MTMR12: variants seen among roughly 807,000 people sequenced by gnomAD.
MTMR12 encodes myotubularin related protein 12, also known as myotubularin-related protein 12.
MTMR12 carries 33 observed loss-of-function variants against 96.7 expected under a neutral mutation model. The ratio of observed to expected loss-of-function variants is 0.34; its 90% CI spans 0.26 to 0.46. The LOEUF is 0.46. Ranked by LOEUF, MTMR12 falls within the 20% of genes least tolerant of loss-of-function variation. MTMR12 has a pLI of 1.00. For synonymous variants in MTMR12, 298 were observed against 327.2 expected (o/e 0.91, Z 0.96); for missense variants, 721 against 896.1 (o/e 0.80, Z 2.49).
At chr5:32,278,474 C>T (rs1750145583) in intron 1 of MTMR12, among the ~76,000 whole-genome samples, 1 of 152,056 alleles carries the variant, frequency 6.6e-6, no homozygotes, top group African/African-American at 2.4e-5. Context: ...AACTTGGGTA[C>T]AGCCTATCTT....
rs758920702 is a variant in MTMR12, at chr5:32,239,191, A to G, written c.1172-18T>C. The G allele has an allele frequency of 5.8e-6, 9 of 1,555,090 alleles. No homozygotes were observed. Among genetic ancestry groups the G allele is most frequent in the South Asian group, 1.2e-5 (1 of 80,988 alleles). ...ATTCTCCTCTAGGAGAGGCCCCAGC[A>G]GCAGTGCAAAGAGGAAGGAGGGCAT... On this transcript the variant is annotated intron_variant, in intron 12 of 15. Transcript: ENST00000382142.
chr5:32,301,078 A>T (rs1751124070), intron 1 of MTMR12, among the ~76,000 whole-genome samples: 2 of 152,188 alleles, frequency 1.3e-5, no homozygotes. Flanking sequence ...CATCTCAAAA[A>T]AAGAAAGAAA....
In MTMR12 at chr5:32,269,631, T is replaced by A. The variant is rs142985524; in HGVS notation, c.490-837A>T. On this transcript the variant is annotated intron_variant, in intron 5 of 15. Coordinates refer to ENST00000382142, the MANE Select transcript of MTMR12 (RefSeq NM_001040446.3). ...AGTGTGTCAGGTTTTCTAAGAACTCTGAATTTCTAGGGAAAATTTTAAAAC... is the reference window on the plus strand; with the variant it reads ...AGTGTGTCAGGTTTTCTAAGAACTCAGAATTTCTAGGGAAAATTTTAAAAC... Among the ~76,000 whole-genome samples the A allele has an allele frequency of 3.0e-3, 457 of 152,258 alleles. 1 individual carries two copies. Among genetic ancestry groups the A allele is most frequent in the African/African-American group, 0.01 (436 of 41,556 alleles).
chr5:32,246,169 A>AGTTTTTTTTGTTTT (rs1554056238), intron 10 of MTMR12, among the ~76,000 whole-genome samples: 2 of 130,828 alleles, frequency 1.5e-5, no homozygotes, highest in East Asian at 4.5e-4. Context: ...TTGAGTAGAC[A>AGTTTTTTTTGTTTT]GTTTTTTTTT....
At chr5:32,246,359 G>A (rs1047874364) in intron 10 of MTMR12, among the ~76,000 whole-genome samples, 2 of 151,932 alleles carry the variant, frequency 1.3e-5, no homozygotes, top group South Asian at 4.1e-4. Flanking sequence ...GATGGGTTTC[G>A]CCATGTTAGC....
Position 32,312,730 on chromosome 5 carries a change from A to ACGCCCCGCCTGCGCGG in MTMR12, c.81+12_81+27dup, listed in dbSNP as rs1159210762. Reference sequence around the variant, plus strand: ...CCCTCGCCCCGGCCGCCCCTGCCCGACGCCCCGCCTGCGCGGCGCCCCCTC... The same window carrying ACGCCCCGCCTGCGCGG: ...CCCTCGCCCCGGCCGCCCCTGCCCGACGCCCCGCCTGCGCGGCGCCCCGCCTGCGCGGCGCCCCCTC... On this transcript the variant is annotated intron_variant, in intron 1 of 15. Coordinates refer to ENST00000382142, the MANE Select transcript of MTMR12 (RefSeq NM_001040446.3). This position sits in a 1 kb window ranked among gnomAD's most constrained non-coding sequence, Gnocchi z 5.0. The ACGCCCCGCCTGCGCGG allele has an allele frequency of 6.7e-7, 1 of 1,485,032 alleles. No individual in the cohort carries two copies. The highest frequency in any genetic ancestry group is 2.2e-5 in the Admixed American group (1 of 45,008). The allele number at this position is 1,485,032 out of a possible 1,614,324, so 92.0% of individuals were successfully genotyped here.
rs1751646558 is a variant in MTMR12 at position 32,312,658 on chromosome 5, G to C, written c.81+100C>G. 8.8e-7 allele frequency: 1 copy of C among 1,137,868 alleles called. No individual in the cohort carries two copies. Among genetic ancestry groups the C allele is most frequent in the Middle Eastern group, 3.3e-4 (1 of 2,996 alleles). 70.5% of individuals were successfully genotyped at this position (1,137,868 alleles called of 1,614,324 possible). On this transcript the variant is annotated intron_variant, in intron 1 of 15. Transcript: ENST00000382142. This position sits in a 1 kb window ranked among gnomAD's most constrained non-coding sequence, Gnocchi z 5.0. ...GCCCCGTCGCCCGGCACAAGGGCAG[G>C]AAGCGCTCCGCGGCGCTCCCCGCTG...
intron 1 of MTMR12, among the ~76,000 whole-genome samples, chr5:32,307,066 G>A (rs1261614467): frequency 6.6e-6 from 1 of 152,024 alleles, no homozygotes; most frequent in African/African-American, 2.4e-5. Context: ...GAAAAAGGCA[G>A]ATTACAAAAT....
At chr5:32,254,483 C>T (rs1437621372) in intron 8 of MTMR12, among the ~76,000 whole-genome samples, 2 of 152,166 alleles carry the variant, frequency 1.3e-5, no homozygotes, top group South Asian at 2.1e-4. Flanking sequence ...TTCATTGTGA[C>T]CAACTCTGTC....
chr5:32,302,626 C>G (rs1412927357), intron 1 of MTMR12, among the ~76,000 whole-genome samples: 1 of 150,896 alleles, frequency 6.6e-6, no homozygotes, highest in Non-Finnish European at 1.5e-5. Context: ...CTGAGGCAGG[C>G]GAATCGCTTG....
In MTMR12 at chr5:32,263,140, ACACT is replaced by A; in HGVS notation, c.682_685del (p.Val229ThrfsTer47). 6.2e-7 allele frequency: 1 copy of A among 1,614,196 alleles called. No individual in the cohort carries two copies. The highest frequency in any genetic ancestry group is 8.5e-7 in the Non-Finnish European group (1 of 1,180,030). On this transcript the variant is annotated frameshift_variant, in exon 7 of 16. Transcript: ENST00000382142. LOFTEE classifies it high-confidence loss of function. Reference sequence around the variant, plus strand: ...CTCACAGACTTTATAGCCTTCGTTGACACTCACTGCTTTGTACTTCATGTTGCCT... The same window carrying A: ...CTCACAGACTTTATAGCCTTCGTTGACACTGCTTTGTACTTCATGTTGCCT...
In MTMR12 at chr5:32,274,175, T is replaced by C. The variant is rs555430554; in HGVS notation, c.143-53A>G. The C allele has an allele frequency of 1.7e-5, 27 of 1,587,508 alleles. No homozygotes were observed. The African/African-American group carries it at 2.4e-4, about 14-fold the overall frequency. On this transcript the variant is annotated intron_variant, in intron 2 of 15. Transcript: ENST00000382142. ...TAGAGTTCTCAGGGAACATACGATA[T>C]GCAAACACTAAAGGCTTTCCAGCCC...
intron 13 of MTMR12, among the ~76,000 whole-genome samples, chr5:32,237,655 C>T (rs1386411303): frequency 5.9e-5 from 9 of 152,006 alleles, no homozygotes; most frequent in African/African-American, 2.2e-4. Context: ...GGACTACAGG[C>T]ATGTGCCACC....
intron 7 of MTMR12, among the ~76,000 whole-genome samples, chr5:32,258,769 C>T (rs1231100258): frequency 6.6e-6 from 1 of 152,120 alleles, no homozygotes; most frequent in Admixed American, 6.5e-5. Context: ...GAGCTCCTTC[C>T]TCAGTGGCTC....
In MTMR12 at chr5:32,233,846, G is replaced by C. The variant is rs1277179185; in HGVS notation, c.1601C>G (p.Thr534Arg). Residue 534 changes from threonine (T) to arginine (R), a missense_variant, in exon 15 of 16, where the codon ACA becomes AGA. Coordinates refer to ENST00000382142, the MANE Select transcript of MTMR12 (RefSeq NM_001040446.3). This position sits in a 1 kb window ranked among gnomAD's most constrained non-coding sequence, Gnocchi z 5.0. ...WSVQFEPKAQTLLKNPLYVEK... is the reference protein window; with the variant it reads ...WSVQFEPKAQRLLKNPLYVEK... ...CACATAAAGAGGGTTTTTGAGCAATGTCTGGGCTTTGGGTTCAAACTGCAC... is the reference window on the plus strand; with the variant it reads ...CACATAAAGAGGGTTTTTGAGCAATCTCTGGGCTTTGGGTTCAAACTGCAC... 4 of 1,614,152 alleles carry C rather than the reference G, an allele frequency of 2.5e-6. No homozygotes were observed. The East Asian group carries it at 8.9e-5, about 36-fold the overall frequency.
chr5:32,299,030 G>A (rs1374080160), intron 1 of MTMR12, among the ~76,000 whole-genome samples: 1 of 151,470 alleles, frequency 6.6e-6, no homozygotes, highest in Non-Finnish European at 1.5e-5. Flanking sequence ...TGCACTGGTG[G>A]CCCAAAGAAC....
chr5:32,279,725 G>T lies in MTMR12; in HGVS notation c.82-2983C>A, dbSNP rs571504500. 4.1e-3 allele frequency among the ~76,000 whole-genome samples: 630 copies of T among 152,324 alleles called. 2 individuals are homozygous for T. Among genetic ancestry groups the T allele is most frequent in the Non-Finnish European group, 7.0e-3 (476 of 68,024 alleles). On this transcript the variant is annotated intron_variant, in intron 1 of 15. Transcript: ENST00000382142. ...ACAATTTTTCCACGGACCTGGCAGG[G>T]GGGCAGGGGATGATTTTGGGATGAA...
chr5:32,248,114 G>C lies in MTMR12; in HGVS notation c.909C>G (p.Thr303=), dbSNP rs1182465432. ...QKSFLDGIYK[T]IHRPPYEIVK... ...CAATTTCATAGGGTGGCCTGTGGATGGTCTTGTAAATTCTAGGTATCAAAA... is the reference window on the plus strand; with the variant it reads ...CAATTTCATAGGGTGGCCTGTGGATCGTCTTGTAAATTCTAGGTATCAAAA... Residue 303 remains threonine, a synonymous_variant, in exon 10 of 16, where the codon ACC becomes ACG. Coordinates refer to ENST00000382142, the MANE Select transcript of MTMR12 (RefSeq NM_001040446.3). 6.2e-7 allele frequency: 1 copy of C among 1,613,148 alleles called. No individual in the cohort carries two copies. The highest frequency in any genetic ancestry group is 1.3e-5 in the African/African-American group (1 of 74,866).
chr5:32,273,584 G>A (rs566251484), intron 3 of MTMR12, among the ~76,000 whole-genome samples: 1 of 152,284 alleles, frequency 6.6e-6, no homozygotes, highest in Admixed American at 6.5e-5. Flanking sequence ...ATTGAAAGTT[G>A]ACACATGAGG....
Sources: gnomAD v4.1 joint callset for allele counts (sites outside exome capture counted in the v4.1 genomes callset) on GRCh38, gnomAD v4.1.1 for gene constraint, Gnocchi (gnomAD v3.1) non-coding constraint, MANE v1.5 for transcripts, NCBI Gene and HGNC (gene_info 2026-07-23, HGNC 2026-07-21) for gene names.